Variants in INPP5D observed in about 807,000 individuals in gnomAD.
INPP5D encodes the protein phosphatidylinositol 3,4,5-trisphosphate 5-phosphatase 1.
A neutral mutation model predicts 122.9 loss-of-function variants in INPP5D; 33 were observed. The observed-to-expected ratio is 0.27, with a 90% CI of 0.20 to 0.36. The LOEUF is 0.36. INPP5D is among the 10% of genes least tolerant of loss of function. INPP5D has a pLI of 1.00. For synonymous variants in INPP5D, 584 were observed against 576.2 expected (o/e 1.01, Z -0.19); for missense variants, 1,053 against 1,412.7 (o/e 0.75, Z 4.08).
At chr2:233,141,265 CAT>C (rs1271842005) in intron 6 of INPP5D, 1 of 152,156 alleles carries the variant, frequency 6.6e-6, no homozygotes, top group Admixed American at 6.5e-5. Flanking sequence ...CAGAAAAAAA[CAT>C]TGAAAATCAC....
Position 233,195,482 on chromosome 2 carries a change from G to A in INPP5D, c.2680G>A (p.Glu894Lys). 6.3e-7 allele frequency: 1 copy of A among 1,575,330 alleles called. No individual in the cohort carries two copies. The highest frequency in any genetic ancestry group is 8.7e-7 in the Non-Finnish European group (1 of 1,155,530). Residue 894 changes from glutamate (E) to lysine (K), a missense_variant, in exon 24 of 27, where the codon GAA (glutamate) becomes AAA (lysine). Glu to Lys is a moderately conservative substitution (Grantham distance 56). Coordinates refer to ENST00000445964, the MANE Select transcript of INPP5D (RefSeq NM_001017915.3). ...LTSHDPMKQWEVTSRAPPCSG... is the reference protein window; with the variant it reads ...LTSHDPMKQWKVTSRAPPCSG... ...CAGCCACGACCCCATGAAGCAGTGG[G>A]AAGTCACTAGCAGGTAAAGTGGGCG...
chr2:233,193,315 T>C (rs1301439912), intron 22 of INPP5D, among the ~76,000 whole-genome samples: 1 of 152,280 alleles, frequency 6.6e-6, no homozygotes, highest in Non-Finnish European at 1.5e-5. Context: ...TTTATTAAAA[T>C]TAACCAGCTG....
Position 233,125,747 on chromosome 2 carries a change from G to A in INPP5D, c.352G>A (p.Glu118Lys), listed in dbSNP as rs1295280588. 1 of 1,612,442 alleles carries A rather than the reference G, an allele frequency of 6.2e-7. No individual in the cohort carries two copies. Among genetic ancestry groups the A allele is most frequent in the East Asian group, 2.2e-5 (1 of 44,874 alleles). ...TGDDPEEDTVESVVSPPELPP... is the reference protein window; with the variant it reads ...TGDDPEEDTVKSVVSPPELPP... Reference sequence around the variant, plus strand: ...GGCCTTCCTGCTGTTCTCTCCAGTAGAAAGTGTCGTGTCTCCACCCGAGCT... The same window carrying A: ...GGCCTTCCTGCTGTTCTCTCCAGTAAAAAGTGTCGTGTCTCCACCCGAGCT... The change falls in exon 4 of 27, where the codon GAA becomes AAA. Residue 118 changes from glutamate (E) to lysine (K), a missense_variant and splice_region_variant. Physicochemically the swap from Glu to Lys is moderately conservative, Grantham distance 56. Transcript: ENST00000445964.
At chr2:233,204,759 T>C in intron 26 of INPP5D, 42 bp downstream of exon 26, 1 of 1,453,428 alleles carries the variant, frequency 6.9e-7, no homozygotes, top group Non-Finnish European at 9.0e-7. Flanking sequence ...TTTGTGTGTG[T>C]GTGCATGCGT....
intron 4 of INPP5D, among the ~76,000 whole-genome samples, 165 bp from the exon 5 acceptor site, chr2:233,130,343 A>G (rs1033580826): frequency 3.9e-5 from 6 of 152,210 alleles, no homozygotes; most frequent in African/African-American, 1.4e-4. Flanking sequence ...CCCATCAGTG[A>G]GACCACGGGA....
In INPP5D at chr2:233,100,003, G is replaced by C. The variant is rs1384857565; in HGVS notation, c.198+20605G>C. On this transcript the variant is annotated intron_variant, in intron 2 of 26. Transcript: ENST00000445964. This position sits in a 1 kb window ranked among gnomAD's most constrained non-coding sequence, Gnocchi z 5.3. The stretch of plus-strand genomic sequence containing the variant: ...TTTCTAAAGCCATCAGATCTCATGA[G>C]ACCCATTCACTATCACGAGAACAGA... 6.6e-6 allele frequency among the ~76,000 whole-genome samples: 1 copy of C among 152,160 alleles called. No homozygotes were observed. The highest frequency in any genetic ancestry group is 2.4e-5 in the African/African-American group (1 of 41,424).
intron 4 of INPP5D, 116 bp from the exon 5 acceptor site, chr2:233,130,392 G>C (rs554143581): frequency 1.8e-6 from 2 of 1,111,620 alleles, no homozygotes; most frequent in Admixed American, 5.2e-5. Context: ...CTGAAGGACG[G>C]TGTCCCCTTG....
At position 233,106,722 on chromosome 2, in the gene INPP5D, T is replaced by C. The variant is rs185361680; in HGVS notation, c.199-15385T>C. 8.7e-4 allele frequency among the ~76,000 whole-genome samples: 132 copies of C among 152,318 alleles called. 1 individual carries two copies. Among genetic ancestry groups the C allele is most frequent in the African/African-American group, 3.2e-3 (131 of 41,572 alleles). On this transcript the variant is annotated intron_variant, in intron 2 of 26. Coordinates refer to ENST00000445964, the MANE Select transcript of INPP5D (RefSeq NM_001017915.3). ...GATGCCAGGTATGAGGCACAGTTTC[T>C]AGCTGTCAGCTGTGACTCTAGTGAT...
intron 26 of INPP5D, chr2:233,204,943 C>A: frequency 1.6e-6 from 1 of 642,508 alleles, no homozygotes; most frequent in Non-Finnish European, 2.4e-6. Context: ...TCCCACACAT[C>A]CCTGACCCTG....
At chr2:233,180,324 T>C (rs903289573) in intron 18 of INPP5D, among the ~76,000 whole-genome samples, 1 of 151,960 alleles carries the variant, frequency 6.6e-6, no homozygotes, top group African/African-American at 2.4e-5. Context: ...GCCATTGCTA[T>C]TATGTTCAGT....
In INPP5D at chr2:233,206,784, C is replaced by T. The variant is rs545478324; in HGVS notation, c.*76C>T. On this transcript the variant is annotated 3_prime_UTR_variant, in exon 27 of 27. Coordinates refer to ENST00000445964, the MANE Select transcript of INPP5D (RefSeq NM_001017915.3). The surrounding 1 kb of genome is among the most constrained non-coding windows in gnomAD (Gnocchi z 4.0). ...GCCACTGGACCCTCTCCCGGGACCT[C>T]CTGCTGGCTCCTCCTGCCCAGCTTC... 35 of 727,062 alleles carry T rather than the reference C, an allele frequency of 4.8e-5. 1 individual carries two copies. The highest frequency in any genetic ancestry group is 3.8e-4 in the South Asian group (26 of 68,210). The allele number at this position is 727,062 out of a possible 1,614,324, so 45.0% of individuals were successfully genotyped here. A position where few individuals can be genotyped will look rare whatever the true frequency, so the allele number is the denominator to read the frequency against.
rs188105466 is a variant in INPP5D, at chr2:233,122,278, C to A, written c.349+21C>A. The A allele has an allele frequency of 3.2e-3, 5,147 of 1,608,910 alleles. 11 individuals are homozygous for A. The highest frequency in any genetic ancestry group is 4.0e-3 in the Non-Finnish European group (4,732 of 1,177,196). On this transcript the variant is annotated intron_variant, in intron 3 of 26. Coordinates refer to ENST00000445964, the MANE Select transcript of INPP5D (RefSeq NM_001017915.3). The stretch of plus-strand genomic sequence containing the variant: ...CACAGGTAGGGAGGGAGGGACAGGA[C>A]GGCAGGAGGTACTTTTGGGAACTTG...
chr2:233,169,821 A>T, intron 14 of INPP5D: 2 of 846,510 alleles, frequency 2.4e-6, no homozygotes, highest in East Asian at 5.3e-5. Context: ...TGTACACCCA[A>T]TGTGGCCTCA....
At chr2:233,133,290 A>G (rs1458836224) in intron 5 of INPP5D, among the ~76,000 whole-genome samples, 1 of 152,100 alleles carries the variant, frequency 6.6e-6, no homozygotes, top group Non-Finnish European at 1.5e-5. Flanking sequence ...TGAGGAAGAG[A>G]CATTGGGTGG....
chr2:233,119,894 A>G (rs903032343), intron 2 of INPP5D, among the ~76,000 whole-genome samples: 2 of 152,132 alleles, frequency 1.3e-5, no homozygotes, highest in Non-Finnish European at 2.9e-5. Context: ...CTTACCTGTA[A>G]TCCCGAAGAC....
chr2:233,121,916 C>G (rs535595651), intron 2 of INPP5D, among the ~76,000 whole-genome samples, 191 bp from the exon 3 acceptor site: 1 of 152,152 alleles, frequency 6.6e-6, no homozygotes, highest in African/African-American at 2.4e-5. Context: ...GCAGAAGGGC[C>G]CTTGGCAGCT....
rs549089218 is a variant in INPP5D at position 233,122,304 on chromosome 2, C to A, written c.349+47C>A. 1,185 of 1,584,944 alleles carry A rather than the reference C, an allele frequency of 7.5e-4. 9 individuals are homozygous for A. The African/African-American group carries it at 0.015, about 19-fold the overall frequency. On this transcript the variant is annotated intron_variant, in intron 3 of 26. Coordinates refer to ENST00000445964, the MANE Select transcript of INPP5D (RefSeq NM_001017915.3). ...GGCAGGAGGTACTTTTGGGAACTTG[C>A]CCTGCACCCACCTTGAGTGCTTGTA...
chr2:233,135,089 T>A (rs200049728), intron 5 of INPP5D, among the ~76,000 whole-genome samples: 8 of 148,594 alleles, frequency 5.4e-5, no homozygotes, highest in African/African-American at 9.8e-5. Flanking sequence ...ATGTATACAA[T>A]AAAAAAAAAA....
At position 233,206,713 on chromosome 2, in the gene INPP5D, C is replaced by T. The variant is rs75739398; in HGVS notation, c.*5C>T. The T allele has an allele frequency of 6.4e-3, 4,967 of 771,812 alleles. 163 individuals are homozygous for T. In the African/African-American group the frequency reaches 0.071, roughly 11 times the overall value. The allele number at this position is 771,812 out of a possible 1,614,324, so 47.8% of individuals were successfully genotyped here. A position where few individuals can be genotyped will look rare whatever the true frequency, so the allele number is the denominator to read the frequency against. On this transcript the variant is annotated 3_prime_UTR_variant, in exon 27 of 27. Coordinates refer to ENST00000445964, the MANE Select transcript of INPP5D (RefSeq NM_001017915.3). The surrounding 1 kb of genome is among the most constrained non-coding windows in gnomAD (Gnocchi z 4.0). ...TCTGTTCTTGTCCCACAGTGAAGCC[C>T]TCAGTGAGCTGCCACTGAGTCGGGA... is the stretch of plus-strand genomic sequence containing the variant.
Sources: allele counts gnomAD v4.1 joint callset (sites outside exome capture counted in the v4.1 genomes callset), GRCh38; gene constraint gnomAD v4.1.1; non-coding constraint Gnocchi (gnomAD v3.1); transcripts MANE v1.5; gene names NCBI Gene and HGNC (gene_info 2026-07-23, HGNC 2026-07-21).